Variants in NAALADL2 observed in about 807,000 individuals in gnomAD.
NAALADL2 encodes N-acetylated alpha-linked acidic dipeptidase like 2, also known as inactive N-acetylated-alpha-linked acidic dipeptidase-like protein 2.
A neutral mutation model predicts 87.2 loss-of-function variants in NAALADL2; 76 were observed. The observed-to-expected ratio is 0.87, with a 90% CI of 0.72 to 1.05. The LOEUF (loss-of-function observed/expected upper bound fraction) is 1.05, where lower values mean the gene tolerates loss of function less well. Among genes scored for constraint, NAALADL2 ranks in the 50% least tolerant of loss-of-function variants. NAALADL2 has a pLI of 0.00. For synonymous variants in NAALADL2, 354 were observed against 331.0 expected (o/e 1.07, Z -0.75); for missense variants, 1,089 against 945.8 (o/e 1.15, Z -1.99).
chr3:175,018,817 G>A (rs1352728121), intron 1 of NAALADL2, among the ~76,000 whole-genome samples: 2 of 151,962 alleles, frequency 1.3e-5, no homozygotes, highest in Admixed American at 6.6e-5. Context: ...ACCAAATAAC[G>A]TAACCGGTGT....
intron 1 of NAALADL2, among the ~76,000 whole-genome samples, chr3:174,881,160 G>A (rs1013359812): frequency 6.6e-5 from 10 of 152,076 alleles, no homozygotes; most frequent in African/African-American, 2.4e-4. Context: ...GCTCCAGGTG[G>A]ACATATCCTT....
chr3:175,767,693 A>G (rs577147144), intron 13 of NAALADL2: 42 of 152,270 alleles, frequency 2.8e-4, no homozygotes, highest in African/African-American at 8.7e-4. Flanking sequence ...TTTAAAGTCA[A>G]GGAAGCTTGA....
chr3:175,402,273 A>G (rs1431767548), intron 5 of NAALADL2, among the ~76,000 whole-genome samples: 1 of 152,120 alleles, frequency 6.6e-6, no homozygotes, highest in African/African-American at 2.4e-5. Context: ...ATTTAATGTG[A>G]CAGATGATTA....
At chr3:175,050,675 T>A (rs1474781292) in intron 1 of NAALADL2, among the ~76,000 whole-genome samples, 4 of 152,184 alleles carry the variant, frequency 2.6e-5, no homozygotes, top group African/African-American at 9.7e-5. Flanking sequence ...AGTTGAGGAA[T>A]TACCATACTA....
chr3:175,247,319 T>C (rs868135836), intron 3 of NAALADL2, among the ~76,000 whole-genome samples: 68 of 151,984 alleles, frequency 4.5e-4, no homozygotes, highest in African/African-American at 1.6e-3. Flanking sequence ...ATTTAGCTAA[T>C]TATTTCATTA....
chr3:175,707,507 T>A (rs1739888485), intron 11 of NAALADL2, among the ~76,000 whole-genome samples: 1 of 152,094 alleles, frequency 6.6e-6, no homozygotes, highest in Non-Finnish European at 1.5e-5. Context: ...GTCATCTATT[T>A]CAAGACTTCT....
At chr3:175,158,373 C>G (rs931391560) in intron 2 of NAALADL2, among the ~76,000 whole-genome samples, 1 of 151,998 alleles carries the variant, frequency 6.6e-6, no homozygotes, top group African/African-American at 2.4e-5. Context: ...GAATGTTACA[C>G]TATTTTGAAT....
At chr3:175,268,759 T>C (rs966976870) in intron 4 of NAALADL2, among the ~76,000 whole-genome samples, 1 of 151,954 alleles carries the variant, frequency 6.6e-6, no homozygotes, top group African/African-American at 2.4e-5. Context: ...ACAGACACTT[T>C]AGCCAAGGCC....
At chr3:175,423,614 A>G (rs1455197473) in intron 5 of NAALADL2, among the ~76,000 whole-genome samples, 7 of 152,022 alleles carry the variant, frequency 4.6e-5, no homozygotes, top group Admixed American at 1.3e-4. Flanking sequence ...TTTTATGGCA[A>G]CATAGTATTC....
At chr3:175,551,125 A>C in intron 9 of NAALADL2, among the ~76,000 whole-genome samples, 1 of 151,774 alleles carries the variant, frequency 6.6e-6, no homozygotes, top group Middle Eastern at 3.4e-3. Flanking sequence ...GAATTTTCTT[A>C]ATGGAACATT....
At chr3:175,607,916 C>CACACACGCACAG in intron 10 of NAALADL2, among the ~76,000 whole-genome samples, 1 of 151,324 alleles carries the variant, frequency 6.6e-6, no homozygotes, top group Non-Finnish European at 1.5e-5. Context: ...CACACACGCA[C>CACACACGCACAG]ACACACGCAC....
chr3:175,330,090 A>T lies in NAALADL2; in HGVS notation c.1090+5765A>T, dbSNP rs552949138. Among the ~76,000 whole-genome samples the T allele has an allele frequency of 1.3e-4, 20 of 152,296 alleles. No homozygotes were observed. In the South Asian group the frequency reaches 4.1e-3, roughly 32 times the overall value. Reference sequence around the variant, plus strand: ...GTGTGCTTGATCAATAGAGACAATCAGTTTGTTTAGTTTAAGAACTAAAGT... The same window carrying T: ...GTGTGCTTGATCAATAGAGACAATCTGTTTGTTTAGTTTAAGAACTAAAGT... On this transcript the variant is annotated intron_variant, in intron 5 of 13. Transcript: ENST00000454872.
chr3:174,969,209 A>C (rs1743276600), intron 1 of NAALADL2, among the ~76,000 whole-genome samples: 1 of 152,104 alleles, frequency 6.6e-6, no homozygotes, highest in African/African-American at 2.4e-5. Context: ...CCCATCCAGG[A>C]GAAACTGCTA....
intron 1 of NAALADL2, among the ~76,000 whole-genome samples, chr3:174,444,022 G>GAAACCAAAAA (rs1714861613): frequency 2.8e-5 from 4 of 144,776 alleles, no homozygotes; most frequent in Admixed American, 1.4e-4. Flanking sequence ...TGAAAAGGGA[G>GAAACCAAAAA]GGAGGAAATG....
intron 1 of NAALADL2, among the ~76,000 whole-genome samples, chr3:174,449,424 C>T (rs1715309267): frequency 6.6e-6 from 1 of 152,154 alleles, no homozygotes; most frequent in Non-Finnish European, 1.5e-5. Context: ...GTGTTAATGT[C>T]TTTAACACCT....
At chr3:175,541,538 T>C (rs1289161827) in intron 9 of NAALADL2, among the ~76,000 whole-genome samples, 1 of 152,196 alleles carries the variant, frequency 6.6e-6, no homozygotes, top group Non-Finnish European at 1.5e-5. Context: ...GTATGGTTAC[T>C]CAAAGTACAG....
chr3:174,483,353 G>A (rs1466136609), intron 1 of NAALADL2, among the ~76,000 whole-genome samples: 1 of 151,978 alleles, frequency 6.6e-6, no homozygotes, highest in Non-Finnish European at 1.5e-5. Context: ...GGAAGGAGAA[G>A]TGCTGAGTGA....
chr3:175,003,994 T>C (rs1202734963), intron 1 of NAALADL2, among the ~76,000 whole-genome samples: 4 of 152,168 alleles, frequency 2.6e-5, no homozygotes, highest in African/African-American at 9.7e-5. Context: ...TACTCCTCCC[T>C]AGTGGACCCA....
chr3:175,301,253 G>A (rs1757050968), intron 4 of NAALADL2, among the ~76,000 whole-genome samples: 2 of 152,052 alleles, frequency 1.3e-5, no homozygotes, highest in Non-Finnish European at 2.9e-5. Context: ...CTGTGTCCCA[G>A]AGATTCTGCT....
Sources: allele counts gnomAD v4.1 joint callset (sites outside exome capture counted in the v4.1 genomes callset), GRCh38; gene constraint gnomAD v4.1.1; transcripts MANE v1.5; gene names NCBI Gene and HGNC (gene_info 2026-07-23, HGNC 2026-07-21).